WWOX: variants seen among roughly 807,000 people sequenced by gnomAD.
The protein encoded by WWOX is WW domain containing oxidoreductase.
Under a neutral mutation model 46.2 loss-of-function variants are expected in WWOX, and 69 were observed. The observed-to-expected ratio is 1.49, with a 90% CI of 1.23 to 1.82. The LOEUF is 1.82. Ranked by LOEUF, WWOX falls within the 40% of genes most tolerant of loss-of-function variation. WWOX has a pLI of 0.00. For synonymous variants in WWOX, 359 were observed against 202.6 expected (o/e 1.77, Z -6.56); for missense variants, 919 against 542.6 (o/e 1.69, Z -6.89).
chr16:78,805,398 C>G (rs1338005568), intron 8 of WWOX, among the ~76,000 whole-genome samples: 1 of 151,750 alleles, frequency 6.6e-6, no homozygotes, highest in Non-Finnish European at 1.5e-5. Flanking sequence ...GTAGCTGGGA[C>G]TACAGGCACC....
At chr16:78,559,698 T>C (rs1246286018) in intron 8 of WWOX, among the ~76,000 whole-genome samples, 1 of 152,218 alleles carries the variant, frequency 6.6e-6, no homozygotes, top group African/African-American at 2.4e-5. Context: ...ATCCTCCTCC[T>C]CAAGGGAAAC....
intron 8 of WWOX, chr16:79,101,847 G>A (rs946529241): frequency 6.6e-6 from 1 of 151,394 alleles, no homozygotes; most frequent in African/African-American, 2.4e-5. Context: ...TTTTATGGCT[G>A]TGGTTTTCAA....
intron 5 of WWOX, among the ~76,000 whole-genome samples, chr16:78,286,558 TG>T (rs2079770633): frequency 6.6e-6 from 1 of 152,192 alleles, no homozygotes; most frequent in African/African-American, 2.4e-5. Context: ...TTAAGGAAAA[TG>T]TGATCGTTGG....
At chr16:79,105,752 T>C (rs781635006) in intron 8 of WWOX, among the ~76,000 whole-genome samples, 3 of 151,826 alleles carry the variant, frequency 2.0e-5, no homozygotes, top group Non-Finnish European at 2.9e-5. Context: ...AACCTCCATC[T>C]CCTGGATGCC....
intron 5 of WWOX, among the ~76,000 whole-genome samples, chr16:78,344,776 C>G (rs1425018821): frequency 1.6e-5 from 2 of 121,956 alleles, no homozygotes; most frequent in African/African-American, 5.6e-5. Flanking sequence ...TAAAGCTGTA[C>G]TTTCTCACTT....
chr16:79,138,107 G>A (rs1398999846), intron 8 of WWOX, among the ~76,000 whole-genome samples: 2 of 152,086 alleles, frequency 1.3e-5, no homozygotes, highest in African/African-American at 4.8e-5. Context: ...TCCACAGCAG[G>A]GGCCACAGCC....
chr16:78,723,609 TTTC>T (rs780276436), intron 8 of WWOX, among the ~76,000 whole-genome samples: 38 of 42,476 alleles, frequency 8.9e-4, no homozygotes, highest in African/African-American at 1.8e-3. Flanking sequence ...TTTCTTTTCT[TTTC>T]TTTTCTTTTC....
chr16:78,908,227 A>T (rs1341585450), intron 8 of WWOX, among the ~76,000 whole-genome samples: 1 of 152,126 alleles, frequency 6.6e-6, no homozygotes, highest in South Asian at 2.1e-4. Context: ...ATTTATCAAG[A>T]CAGGGGGATT....
rs191177774 is a variant in WWOX, at chr16:79,132,070, G to T, written c.1057-79538G>T. On this transcript the variant is annotated intron_variant, in intron 8 of 8. Transcript: ENST00000566780. ...GGGAATTATGGGAGATACAAGATGA[G>T]ATTTGGGTGGGGACACAGAGTCAAA... Among the ~76,000 whole-genome samples, 619 of 151,878 alleles carry T rather than the reference G, an allele frequency of 4.1e-3. 7 individuals are homozygous for T. The highest frequency in any genetic ancestry group is 0.014 in the African/African-American group (593 of 41,362).
intron 8 of WWOX, among the ~76,000 whole-genome samples, chr16:78,929,399 T>C (rs1447641668): frequency 3.9e-5 from 6 of 152,048 alleles, no homozygotes; most frequent in Non-Finnish European, 7.4e-5. Context: ...CAGTGATTTA[T>C]AAAGACATTA....
chr16:78,927,282 C>G (rs1567654684), intron 8 of WWOX, among the ~76,000 whole-genome samples: 1 of 152,158 alleles, frequency 6.6e-6, no homozygotes, highest in South Asian at 2.1e-4. Flanking sequence ...AACATGACAC[C>G]GGCCTCCAGC....
At chr16:79,116,951 G>C (rs1399370634) in intron 8 of WWOX, among the ~76,000 whole-genome samples, 4 of 152,056 alleles carry the variant, frequency 2.6e-5, no homozygotes, top group Non-Finnish European at 5.9e-5. Flanking sequence ...TGCAGACTGG[G>C]CATTGTATTA....
intron 8 of WWOX, among the ~76,000 whole-genome samples, chr16:78,578,972 C>G (rs1178396173): frequency 6.6e-6 from 1 of 152,202 alleles, no homozygotes; most frequent in Non-Finnish European, 1.5e-5. Flanking sequence ...TCAGAAACCA[C>G]CACCACAAAA....
chr16:79,011,754 A>G (rs910125779), intron 8 of WWOX, among the ~76,000 whole-genome samples: 1 of 152,000 alleles, frequency 6.6e-6, no homozygotes, highest in African/African-American at 2.4e-5. Flanking sequence ...TGGCCTCCCA[A>G]AGTGCTGGGA....
chr16:78,371,174 G>A lies in WWOX; in HGVS notation c.517-15686G>A, dbSNP rs200319006. On this transcript the variant is annotated intron_variant, in intron 5 of 8. Transcript: ENST00000566780. ...TTAAGTTGATACGCACAGTTCCTCA[G>A]CATGAATGTCATTGTTTTGCAAATT... Among the ~76,000 whole-genome samples, 6 of 152,150 alleles carry A rather than the reference G, an allele frequency of 3.9e-5. No individual in the cohort carries two copies. The East Asian group carries it at 1.2e-3, about 29-fold the overall frequency.
At chr16:78,729,636 G>C (rs965063555) in intron 8 of WWOX, among the ~76,000 whole-genome samples, 10 of 152,138 alleles carry the variant, frequency 6.6e-5, no homozygotes, top group Admixed American at 4.6e-4. Flanking sequence ...GCACAGTCCT[G>C]CTAACTCTTA....
chr16:78,295,993 A>G (rs892427646), intron 5 of WWOX, among the ~76,000 whole-genome samples: 3 of 152,332 alleles, frequency 2.0e-5, no homozygotes, highest in Non-Finnish European at 4.4e-5. Flanking sequence ...TGCCATCTGC[A>G]GCTTCTTTGG....
At chr16:78,099,941 A>G (rs1484168049) in intron 1 of WWOX, 56 bp downstream of exon 1, 7 of 1,535,170 alleles carry the variant, frequency 4.6e-6, no homozygotes, top group South Asian at 1.2e-5. Flanking sequence ...CAGCCCACGG[A>G]CGCCACCTGC....
intron 5 of WWOX, among the ~76,000 whole-genome samples, chr16:78,263,734 C>G (rs1429324116): frequency 6.6e-6 from 1 of 152,136 alleles, no homozygotes; most frequent in Non-Finnish European, 1.5e-5. Flanking sequence ...AATGCCTGAG[C>G]CAGAACTTCC....
Sources: allele counts gnomAD v4.1 joint callset (sites outside exome capture counted in the v4.1 genomes callset), GRCh38; gene constraint gnomAD v4.1.1; transcripts MANE v1.5; gene names NCBI Gene and HGNC (gene_info 2026-07-23, HGNC 2026-07-21).